Variants in DLGAP1 observed in about 807,000 individuals in gnomAD.
The protein encoded by DLGAP1 is disks large-associated protein 1.
A neutral mutation model predicts 90.8 loss-of-function variants in DLGAP1; 11 were observed. The observed-to-expected ratio is 0.12, with a 90% confidence interval of 0.08 to 0.20. DLGAP1 has a LOEUF of 0.20. DLGAP1 is among the 10% of genes least tolerant of loss of function. DLGAP1 has a pLI of 1.00. For synonymous variants in DLGAP1, 558 were observed against 540.7 expected, an observed-to-expected ratio of 1.03 and a Z score of -0.44; for missense variants, 1,050 against 1,333.8, an observed-to-expected ratio of 0.79 and a Z score of 3.31.
intron 7 of DLGAP1, among the ~76,000 whole-genome samples, chr18:3,600,793 G>GATATATAGATATATAGAT (rs2056897694): frequency 6.9e-5 from 2 of 29,194 alleles, no homozygotes; most frequent in South Asian, 8.2e-4. Context: ...GATATATATA[G>GATATATAGATATATAGAT]ATATATAGAT....
intron 2 of DLGAP1, among the ~76,000 whole-genome samples, chr18:4,109,714 ACTTG>A (rs1341328766): frequency 6.6e-6 from 1 of 151,996 alleles, no homozygotes; most frequent in Non-Finnish European, 1.5e-5. Context: ...CAAGTTCAAA[ACTTG>A]TCCAGATCTA....
intron 1 of DLGAP1, among the ~76,000 whole-genome samples, chr18:4,415,935 TTG>T (rs2082889737): frequency 6.6e-6 from 1 of 152,176 alleles, no homozygotes; most frequent in Non-Finnish European, 1.5e-5. Flanking sequence ...TTTTCAGAAC[TTG>T]TGAGTCCTCT....
At chr18:3,530,300 A>G (rs2051907710) in intron 10 of DLGAP1, among the ~76,000 whole-genome samples, 1 of 152,092 alleles carries the variant, frequency 6.6e-6, no homozygotes, top group Non-Finnish European at 1.5e-5. Context: ...ACAGCTCCTC[A>G]TGAGGCTGAG....
intron 3 of DLGAP1, among the ~76,000 whole-genome samples, chr18:3,966,134 C>T (rs546353252): frequency 2.8e-4 from 42 of 151,960 alleles, no homozygotes; most frequent in African/African-American, 9.4e-4. Flanking sequence ...AAACCACATT[C>T]GCTAATGCGG....
intron 10 of DLGAP1, among the ~76,000 whole-genome samples, chr18:3,509,510 T>C (rs9676216): frequency 0.43 from 64,924 of 152,010 alleles, 14,835 homozygotes; most frequent in East Asian, 0.68. Flanking sequence ...CTGCACCCTT[T>C]GGGACTGGGT....
At chr18:4,055,922 A>T (rs776131086) in intron 2 of DLGAP1, among the ~76,000 whole-genome samples, 34 of 152,008 alleles carry the variant, frequency 2.2e-4, no homozygotes, top group Non-Finnish European at 4.7e-4. Flanking sequence ...TCTTCACTCC[A>T]CTGTTGCCAC....
In DLGAP1 at chr18:4,145,117, C is replaced by G. The variant is rs186848069; in HGVS notation, c.-159+6063G>C. ...GTCTTGGTTGCCCAATTAACAATAT[C>G]ACCACCCCCACAATATGTCTATATA... On this transcript the variant is annotated intron_variant, in intron 2 of 12. Coordinates refer to ENST00000315677, the MANE Select transcript of DLGAP1 (RefSeq NM_004746.4). Among the ~76,000 whole-genome samples, 275 of 152,254 alleles carry G rather than the reference C, an allele frequency of 1.8e-3. 2 individuals carry two copies. The highest frequency in any genetic ancestry group is 6.3e-3 in the African/African-American group (262 of 41,554).
At chr18:4,260,605 A>C (rs1354635989) in intron 1 of DLGAP1, among the ~76,000 whole-genome samples, 2 of 152,210 alleles carry the variant, frequency 1.3e-5, no homozygotes, top group Non-Finnish European at 2.9e-5. Flanking sequence ...CATATGGCTA[A>C]ATTGCTTTTA....
rs915938290 is a variant in DLGAP1 at position 4,263,875 on chromosome 18, T to C, written c.-266-112588A>G. 2.0e-5 allele frequency among the ~76,000 whole-genome samples: 3 copies of C among 152,202 alleles called. No homozygotes were observed. In the South Asian group the frequency reaches 6.2e-4, roughly 32 times the overall value. On this transcript the variant is annotated intron_variant, in intron 1 of 12. Coordinates refer to ENST00000315677, the MANE Select transcript of DLGAP1 (RefSeq NM_004746.4). ...ATGAGAAGATATGATTTATAAACAT[T>C]TTCTCTCAAAATGAATGACTCCCTA...
At position 4,154,405 on chromosome 18, in the gene DLGAP1, G is replaced by A. The variant is rs180852830; in HGVS notation, c.-266-3118C>T. Among the ~76,000 whole-genome samples, 261 of 151,966 alleles carry A rather than the reference G, an allele frequency of 1.7e-3. 6 individuals carry two copies. The highest frequency in any genetic ancestry group is 3.5e-3 in the East Asian group (18 of 5,166). Reference sequence around the variant, plus strand: ...TTTTGGCTTAAGCTAACTCAAGTTAGTTTGTTTCTGTAACTCTGCAGCCAG... The same window carrying A: ...TTTTGGCTTAAGCTAACTCAAGTTAATTTGTTTCTGTAACTCTGCAGCCAG... On this transcript the variant is annotated intron_variant, in intron 1 of 12. Transcript: ENST00000315677.
intron 1 of DLGAP1, among the ~76,000 whole-genome samples, chr18:4,314,034 C>G (rs745396439): frequency 1.2e-4 from 19 of 152,124 alleles, no homozygotes; most frequent in Non-Finnish European, 2.6e-4. Context: ...AATATTGAAG[C>G]CCCACAAGAG....
chr18:3,694,041 C>A (rs9964324), intron 7 of DLGAP1, among the ~76,000 whole-genome samples: 327 of 148,646 alleles, frequency 2.2e-3, no homozygotes, highest in African/African-American at 7.8e-3. Flanking sequence ...GCCACCCCCC[C>A]CTCAGCCCCC....
At chr18:3,913,721 T>C (rs1363434170) in intron 3 of DLGAP1, among the ~76,000 whole-genome samples, 1 of 152,236 alleles carries the variant, frequency 6.6e-6, no homozygotes, top group African/African-American at 2.4e-5. Flanking sequence ...TTTCACTCTT[T>C]AGTTATCTTT....
At chr18:4,434,538 G>A (rs2083359093) in intron 1 of DLGAP1, among the ~76,000 whole-genome samples, 1 of 152,140 alleles carries the variant, frequency 6.6e-6, no homozygotes, top group South Asian at 2.1e-4. Flanking sequence ...TACACTGTGA[G>A]TCTTACATAC....
rs188974345 is a variant in DLGAP1, at chr18:4,368,764, T to C, written c.-267+86242A>G. ...TCTAATTTTCAAGATAGTATAATAT[T>C]ACTAAAGGTTTTAAATAAAGTATTA... On this transcript the variant is annotated intron_variant, in intron 1 of 12. Transcript: ENST00000315677. Among the ~76,000 whole-genome samples, 118 of 70,174 alleles carry C rather than the reference T, an allele frequency of 1.7e-3. 2 individuals are homozygous for C. Among genetic ancestry groups the C allele is most frequent in the Admixed American group, 4.7e-3 (27 of 5,782 alleles). 46.0% of individuals were successfully genotyped at this position (70,174 alleles called of 152,430 possible).
At chr18:4,326,157 T>C (rs1368754358) in intron 1 of DLGAP1, among the ~76,000 whole-genome samples, 1 of 151,616 alleles carries the variant, frequency 6.6e-6, no homozygotes, top group Non-Finnish European at 1.5e-5. Flanking sequence ...ACCAACAAAT[T>C]TGTAAGCAAA....
intron 1 of DLGAP1, among the ~76,000 whole-genome samples, chr18:4,332,428 GT>G (rs997874231): frequency 4.0e-5 from 6 of 151,084 alleles, no homozygotes; most frequent in South Asian, 2.1e-4. Context: ...TAATAACAAG[GT>G]TTTTTTTTAA....
At chr18:3,770,105 A>C (rs1005868848) in intron 5 of DLGAP1, 1 of 152,168 alleles carries the variant, frequency 6.6e-6, no homozygotes, top group African/African-American at 2.4e-5. Context: ...CCAAATTTTT[A>C]AACGTCTGCC....
intron 5 of DLGAP1, among the ~76,000 whole-genome samples, chr18:3,765,337 A>G (rs1044983568): frequency 3.9e-4 from 59 of 150,132 alleles, no homozygotes; most frequent in Middle Eastern, 3.4e-3. Context: ...TCACCATGTT[A>G]GCCAGGATGG....
Sources: gnomAD v4.1 joint callset for allele counts (sites outside exome capture counted in the v4.1 genomes callset) on GRCh38, gnomAD v4.1.1 for gene constraint, MANE v1.5 for transcripts, NCBI Gene and HGNC (gene_info 2026-07-23, HGNC 2026-07-21) for gene names.